Variants in STXBP6 observed in about 807,000 individuals in gnomAD.
STXBP6 encodes syntaxin binding protein 6.
STXBP6 carries 21 observed loss-of-function variants against 26.9 expected under a neutral mutation model. The observed-to-expected ratio is 0.78, with a 90% CI of 0.55 to 1.12. The LOEUF (loss-of-function observed/expected upper bound fraction) is 1.12. STXBP6 is among the 50% of genes most tolerant of loss of function. The probability of loss-of-function intolerance (pLI) is 0.00; values close to 1 mark genes in which losing one functional copy is unlikely to be tolerated. For missense variants in STXBP6, 232 were observed against 257.9 expected, an observed-to-expected ratio of 0.90 and a Z score of 0.69; for synonymous variants, 97 against 92.6, an observed-to-expected ratio of 1.05 and a Z score of -0.27.
In STXBP6 at chr14:24,835,809, T is replaced by C. The variant is rs79442699; in HGVS notation, c.452-16615A>G. Reference sequence around the variant, plus strand: ...ACCATAGCTACGCTTAATAACGATATCCATAGTGCCATTTTCCTTTTCTCT... The same window carrying C: ...ACCATAGCTACGCTTAATAACGATACCCATAGTGCCATTTTCCTTTTCTCT... On this transcript the variant is annotated intron_variant, in intron 4 of 5. Transcript: ENST00000323944. Among the ~76,000 whole-genome samples the C allele has an allele frequency of 3.0e-4, 46 of 152,354 alleles. No homozygotes were observed. The East Asian group carries it at 8.5e-3, about 28-fold the overall frequency.
intron 1 of STXBP6, among the ~76,000 whole-genome samples, chr14:24,978,529 T>C (rs1395793280): frequency 6.6e-6 from 1 of 152,162 alleles, no homozygotes; most frequent in African/African-American, 2.4e-5. Context: ...TTAAGATGAA[T>C]ATAACAGCAA....
chr14:24,867,070 T>A (rs933270756), intron 2 of STXBP6, among the ~76,000 whole-genome samples: 1 of 152,036 alleles, frequency 6.6e-6, no homozygotes, highest in Non-Finnish European at 1.5e-5. Context: ...TAAAACTTAA[T>A]CCCCATTGCA....
intron 2 of STXBP6, among the ~76,000 whole-genome samples, chr14:24,910,986 C>T (rs2139720711): frequency 6.6e-6 from 1 of 152,088 alleles, no homozygotes; most frequent in East Asian, 1.9e-4. Flanking sequence ...TCTAGCAAAA[C>T]ATTAAAGCTC....
intron 2 of STXBP6, among the ~76,000 whole-genome samples, chr14:24,907,909 G>A (rs541897086): frequency 8.6e-5 from 13 of 151,716 alleles, no homozygotes; most frequent in African/African-American, 2.9e-4. Context: ...TTTCTTCCTG[G>A]GTCATCTTAA....
chr14:24,897,514 C>T (rs1455430315), intron 2 of STXBP6, among the ~76,000 whole-genome samples: 2 of 150,762 alleles, frequency 1.3e-5, no homozygotes, highest in Non-Finnish European at 2.9e-5. Flanking sequence ...TACTTACAGT[C>T]ATTATCTATC....
intron 2 of STXBP6, among the ~76,000 whole-genome samples, chr14:24,931,546 C>CTCAT: frequency 6.6e-6 from 1 of 152,168 alleles, no homozygotes; most frequent in Non-Finnish European, 1.5e-5. Flanking sequence ...ATGTTAAAGA[C>CTCAT]TCATTCATTC....
At chr14:25,038,866 T>C (rs569395566) in intron 1 of STXBP6, among the ~76,000 whole-genome samples, 2 of 152,058 alleles carry the variant, frequency 1.3e-5, no homozygotes, top group South Asian at 2.1e-4. Context: ...GGGGAGGAGA[T>C]GGAGGGACCA....
intron 1 of STXBP6, among the ~76,000 whole-genome samples, chr14:24,987,595 T>A (rs1170115353): frequency 6.6e-6 from 1 of 152,262 alleles, no homozygotes; most frequent in African/African-American, 2.4e-5. Flanking sequence ...TCCTATTTCA[T>A]CTTCCACACT....
intron 2 of STXBP6, among the ~76,000 whole-genome samples, chr14:24,894,375 C>T (rs562809104): frequency 3.5e-4 from 54 of 152,156 alleles, no homozygotes; most frequent in African/African-American, 1.3e-3. Flanking sequence ...ATGTAGTAAA[C>T]CATGTAGGAA....
chr14:24,835,831 C>T (rs2068595022), intron 4 of STXBP6, among the ~76,000 whole-genome samples: 1 of 152,210 alleles, frequency 6.6e-6, no homozygotes, highest in South Asian at 2.1e-4. Flanking sequence ...TTTTCCTTTT[C>T]TCTTACCTAA....
Position 24,944,796 on chromosome 14 carries a change from T to A in STXBP6, c.154+29869A>T, listed in dbSNP as rs577220766. Among the ~76,000 whole-genome samples, 3 of 152,234 alleles carry A rather than the reference T, an allele frequency of 2.0e-5. No homozygotes were observed. In the South Asian group the frequency reaches 6.2e-4, roughly 32 times the overall value. ...TAGGACAGTACTCTCCATTGCTTTATGGAAGGCATACTAGAAGAGCTTCTA... is the reference window on the plus strand; with the variant it reads ...TAGGACAGTACTCTCCATTGCTTTAAGGAAGGCATACTAGAAGAGCTTCTA... On this transcript the variant is annotated intron_variant, in intron 2 of 5. Coordinates refer to ENST00000323944, the MANE Select transcript of STXBP6 (RefSeq NM_001394410.1).
intron 4 of STXBP6, among the ~76,000 whole-genome samples, chr14:24,834,969 G>C (rs1329405540): frequency 6.6e-6 from 1 of 152,196 alleles, no homozygotes; most frequent in Non-Finnish European, 1.5e-5. Flanking sequence ...ACTAGTGCTA[G>C]GTGTTCACAA....
Position 25,008,334 on chromosome 14 carries a change from A to G in STXBP6, c.-32-33484T>C, listed in dbSNP as rs138225141. Among the ~76,000 whole-genome samples the G allele has an allele frequency of 7.0e-4, 106 of 152,162 alleles. 2 individuals carry two copies. In the East Asian group the frequency reaches 0.017, roughly 25 times the overall value. ...GCCTGGGCATCAGAGTGGGACTCCA[A>G]CTCTACAAAAAATTAGCCAGGTGTG... On this transcript the variant is annotated intron_variant, in intron 1 of 5. Coordinates refer to ENST00000323944, the MANE Select transcript of STXBP6 (RefSeq NM_001394410.1).
At chr14:24,865,821 ATAGCAACAG>A (rs1257454457) in intron 2 of STXBP6, among the ~76,000 whole-genome samples, 2 of 152,194 alleles carry the variant, frequency 1.3e-5, no homozygotes, top group Non-Finnish European at 2.9e-5. Flanking sequence ...AGTAAAATAT[ATAGCAACAG>A]TAGCAAAATT....
At chr14:24,970,118 G>A (rs937570286) in intron 2 of STXBP6, among the ~76,000 whole-genome samples, 10 of 152,038 alleles carry the variant, frequency 6.6e-5, no homozygotes, top group African/African-American at 9.7e-5. Flanking sequence ...GTGTGCGCCT[G>A]TAATCCCAGT....
chr14:24,860,490 A>G (rs1004192858), intron 2 of STXBP6, among the ~76,000 whole-genome samples: 11 of 152,140 alleles, frequency 7.2e-5, no homozygotes, highest in African/African-American at 2.7e-4. Flanking sequence ...ACTTTTTCCA[A>G]AAAGCCACAC....
chr14:24,920,741 A>G (rs1478708303), intron 2 of STXBP6, among the ~76,000 whole-genome samples: 1 of 151,888 alleles, frequency 6.6e-6, no homozygotes, highest in Non-Finnish European at 1.5e-5. Flanking sequence ...CAAGCCCCCA[A>G]ACCACCTCAC....
At chr14:24,950,681 T>A (rs933346797) in intron 2 of STXBP6, among the ~76,000 whole-genome samples, 1 of 152,190 alleles carries the variant, frequency 6.6e-6, no homozygotes, top group Non-Finnish European at 1.5e-5. Context: ...CTGTCAATAA[T>A]TACCATGTTA....
chr14:24,876,752 T>C (rs1482091396), intron 2 of STXBP6, among the ~76,000 whole-genome samples: 1 of 152,218 alleles, frequency 6.6e-6, no homozygotes, highest in Admixed American at 6.5e-5. Flanking sequence ...GGGCATTTAA[T>C]TGGGTCTGCG....
Sources: gnomAD v4.1 joint callset for allele counts (sites outside exome capture counted in the v4.1 genomes callset) on GRCh38, gnomAD v4.1.1 for gene constraint, MANE v1.5 for transcripts, NCBI Gene and HGNC (gene_info 2026-07-23, HGNC 2026-07-21) for gene names.